TMTC1: variants seen among roughly 807,000 people sequenced by gnomAD.
The protein encoded by TMTC1 is protein O-mannosyl-transferase TMTC1.
A neutral mutation model predicts 104.8 loss-of-function variants in TMTC1; 73 were observed. The observed-to-expected ratio is 0.70, with a 90% CI of 0.58 to 0.85. The LOEUF is 0.85. TMTC1 is among the 40% of genes least tolerant of loss of function. TMTC1 has a pLI of 0.00. For synonymous variants in TMTC1, 434 were observed against 428.7 expected (o/e 1.01, Z -0.15); for missense variants, 1,035 against 1,096.1 (o/e 0.94, Z 0.79).
At chr12:29,564,015 G>A (rs547210680) in intron 9 of TMTC1, among the ~76,000 whole-genome samples, 5 of 152,254 alleles carry the variant, frequency 3.3e-5, no homozygotes, top group African/African-American at 9.6e-5. Context: ...AGCAACAAAG[G>A]GGACTGGGAG....
chr12:29,515,940 T>C (rs1277397699), intron 15 of TMTC1, among the ~76,000 whole-genome samples: 3 of 151,878 alleles, frequency 2.0e-5, no homozygotes, highest in African/African-American at 7.3e-5. Flanking sequence ...TATTGTTTCA[T>C]GTAATCTTCC....
chr12:29,767,633 C>A (rs902819948), intron 2 of TMTC1, among the ~76,000 whole-genome samples: 2 of 152,006 alleles, frequency 1.3e-5, no homozygotes, highest in East Asian at 1.9e-4. Flanking sequence ...CCAGGAGGTG[C>A]AAGAAAACCA....
At chr12:29,734,414 C>T (rs998870571) in intron 5 of TMTC1, among the ~76,000 whole-genome samples, 1 of 152,186 alleles carries the variant, frequency 6.6e-6, no homozygotes, top group Non-Finnish European at 1.5e-5. Flanking sequence ...CCTGACCCTT[C>T]CCGGATACCA....
At chr12:29,602,943 A>C (rs546095725) in intron 7 of TMTC1, among the ~76,000 whole-genome samples, 3 of 152,336 alleles carry the variant, frequency 2.0e-5, no homozygotes, top group African/African-American at 7.2e-5. Context: ...AGATATATTC[A>C]ACTGGTCTAA....
intron 8 of TMTC1, among the ~76,000 whole-genome samples, chr12:29,580,057 T>C (rs1258329076): frequency 1.3e-5 from 2 of 152,126 alleles, no homozygotes; most frequent in African/African-American, 4.8e-5. Context: ...AGAAAAAGTT[T>C]TGGCCAGGCA....
At position 29,555,314 on chromosome 12, in the gene TMTC1, T is replaced by C. The variant is rs147286072; in HGVS notation, c.1676+1543A>G. Among the ~76,000 whole-genome samples, 1,208 of 151,730 alleles carry C rather than the reference T, an allele frequency of 8.0e-3. 22 individuals are homozygous for C. The highest frequency in any genetic ancestry group is 0.028 in the African/African-American group (1,144 of 41,398). On this transcript the variant is annotated intron_variant, in intron 10 of 17. Transcript: ENST00000539277. Reference sequence around the variant, plus strand: ...CACCAGGCCCGGTAATTTTTTTTTATTTTTTATTTATTTATTTTTTTAAAA... The same window carrying C: ...CACCAGGCCCGGTAATTTTTTTTTACTTTTTATTTATTTATTTTTTTAAAA...
At position 29,550,397 on chromosome 12, in the gene TMTC1, A is replaced by C. The variant is rs553561710; in HGVS notation, c.1676+6460T>G. Among the ~76,000 whole-genome samples the C allele has an allele frequency of 2.6e-5, 4 of 152,282 alleles. No homozygotes were observed. In the East Asian group the frequency reaches 7.7e-4, roughly 29 times the overall value. On this transcript the variant is annotated intron_variant, in intron 10 of 17. Transcript: ENST00000539277. ...AGTGCAGGGCCGGCAGGAAAGAGGG[A>C]GCAGGAGAATAGCACCTGTCACGGA... is the stretch of plus-strand genomic sequence containing the variant.
At position 29,767,926 on chromosome 12, in the gene TMTC1, A is replaced by G; in HGVS notation, c.452T>C (p.Phe151Ser). ...RGLAFVTALLFAVHPIHTEAV... is the reference protein window; with the variant it reads ...RGLAFVTALLSAVHPIHTEAV... ...CTCAGTATGAATAGGATGTACAGCA[A>G]AAAGCAATGCCGTTACAAAAGCAAG... The change falls in exon 2 of 18, where the codon TTT (phenylalanine) becomes TCT (serine). Residue 151 changes from phenylalanine (F) to serine (S), a missense_variant. Coordinates refer to ENST00000539277, the MANE Select transcript of TMTC1 (RefSeq NM_001193451.2). The G allele has an allele frequency of 6.2e-7, 1 of 1,613,874 alleles. No homozygotes were observed. The highest frequency in any genetic ancestry group is 8.5e-7 in the Non-Finnish European group (1 of 1,179,866).
At chr12:29,730,838 A>T (rs372842297) in intron 5 of TMTC1, among the ~76,000 whole-genome samples, 3 of 152,246 alleles carry the variant, frequency 2.0e-5, no homozygotes, top group Non-Finnish European at 2.9e-5. Context: ...AATGCCATTC[A>T]GTATTTGTTC....
intron 1 of TMTC1, among the ~76,000 whole-genome samples, chr12:29,781,434 A>G (rs1943833884): frequency 6.6e-6 from 1 of 152,106 alleles, no homozygotes; most frequent in Non-Finnish European, 1.5e-5. Flanking sequence ...TTGTTCTGTC[A>G]ACTCCTAGCC....
chr12:29,748,508 A>G (rs1330623958), intron 5 of TMTC1, among the ~76,000 whole-genome samples: 1 of 152,224 alleles, frequency 6.6e-6, no homozygotes, highest in Non-Finnish European at 1.5e-5. Context: ...CAAGTTTAGG[A>G]GTCAAACAGT....
chr12:29,676,366 T>G (rs1411332741), intron 5 of TMTC1, among the ~76,000 whole-genome samples: 1 of 152,218 alleles, frequency 6.6e-6, no homozygotes, highest in Non-Finnish European at 1.5e-5. Context: ...TCCTTAAATA[T>G]GAAGACTCCA....
intron 5 of TMTC1, among the ~76,000 whole-genome samples, chr12:29,712,730 G>C (rs1941963023): frequency 6.6e-6 from 1 of 152,160 alleles, no homozygotes; most frequent in Non-Finnish European, 1.5e-5. Flanking sequence ...TTGCTCAGAT[G>C]CATTATAGTT....
intron 10 of TMTC1, among the ~76,000 whole-genome samples, chr12:29,539,394 C>G (rs1474153520): frequency 6.6e-6 from 1 of 152,214 alleles, no homozygotes; most frequent in East Asian, 1.9e-4. Flanking sequence ...TTGGTTCACA[C>G]ATCTGATTTT....
At chr12:29,756,104 C>A (rs1277284509) in intron 3 of TMTC1, among the ~76,000 whole-genome samples, 2 of 152,098 alleles carry the variant, frequency 1.3e-5, no homozygotes, top group Non-Finnish European at 2.9e-5. Context: ...CAAATGAACA[C>A]CAAAAAGCCA....
intron 6 of TMTC1, among the ~76,000 whole-genome samples, chr12:29,626,941 A>G (rs1322566185): frequency 6.6e-6 from 1 of 152,036 alleles, no homozygotes; most frequent in East Asian, 1.9e-4. Flanking sequence ...TCTCTACTAA[A>G]AATACAAAAA....
chr12:29,773,419 GAAAAAC>G (rs1205148297), intron 1 of TMTC1, among the ~76,000 whole-genome samples: 6 of 34,052 alleles, frequency 1.8e-4, no homozygotes, highest in Admixed American at 4.8e-4. Context: ...TCTGATTTAG[GAAAAAC>G]AAAACAAAAC....
chr12:29,565,843 G>A (rs768004055), intron 9 of TMTC1, among the ~76,000 whole-genome samples: 9 of 152,132 alleles, frequency 5.9e-5, no homozygotes, highest in Non-Finnish European at 1.0e-4. Context: ...GTGAGACTCC[G>A]TCTCAAAAAA....
chr12:29,721,193 G>GT (rs1226991560), intron 5 of TMTC1, among the ~76,000 whole-genome samples: 1 of 152,180 alleles, frequency 6.6e-6, no homozygotes, highest in African/African-American at 2.4e-5. Context: ...ATGCATGTGT[G>GT]TGTGTTGAGA....
Sources: allele counts gnomAD v4.1 joint callset (sites outside exome capture counted in the v4.1 genomes callset), GRCh38; gene constraint gnomAD v4.1.1; transcripts MANE v1.5; gene names NCBI Gene and HGNC (gene_info 2026-07-23, HGNC 2026-07-21).